CERS3: variants seen among roughly 807,000 people sequenced by gnomAD.
CERS3 encodes LAG1 homolog, ceramide synthase 3.
In CERS3, 33 loss-of-function variants were observed where a neutral mutation model predicts 50.3. The observed-to-expected ratio is 0.66, with a 90% CI of 0.50 to 0.88. The LOEUF (loss-of-function observed/expected upper bound fraction) is 0.88. Among genes scored for constraint, CERS3 ranks in the 40% least tolerant of loss-of-function variants. CERS3 has a pLI of 0.00. For missense variants in CERS3, 470 were observed against 460.3 expected, an observed-to-expected ratio of 1.02 and a Z score of -0.19; for synonymous variants, 176 against 155.2, an observed-to-expected ratio of 1.13 and a Z score of -0.99.
chr15:100,513,543 T>TTC (rs765343580), intron 2 of CERS3, among the ~76,000 whole-genome samples: 4 of 66,868 alleles, frequency 6.0e-5, no homozygotes, highest in East Asian at 9.9e-4. Flanking sequence ...TTCTTTTCTT[T>TTC]TTTTTTTTTT....
intron 11 of CERS3, among the ~76,000 whole-genome samples, chr15:100,446,397 G>A (rs1449983481): frequency 7.1e-6 from 1 of 140,414 alleles, no homozygotes; most frequent in Non-Finnish European, 1.5e-5. Flanking sequence ...GATTAACCGA[G>A]ATGTGGGCTA....
chr15:100,490,640 T>A (rs2035622190), intron 4 of CERS3, 177 bp downstream of exon 4: 3 of 536,154 alleles, frequency 5.6e-6, no homozygotes, highest in Non-Finnish European at 9.9e-6. Flanking sequence ...ATCATATGTA[T>A]CACACTTGGG....
At chr15:100,423,469 C>G (rs1229404039) in intron 11 of CERS3, among the ~76,000 whole-genome samples, 1 of 152,120 alleles carries the variant, frequency 6.6e-6, no homozygotes, top group East Asian at 1.9e-4. Flanking sequence ...TCCTTTGGAA[C>G]AACATGGATG....
intron 11 of CERS3, among the ~76,000 whole-genome samples, chr15:100,451,892 A>G (rs927898768): frequency 2.6e-5 from 4 of 152,130 alleles, no homozygotes; most frequent in African/African-American, 4.8e-5. Context: ...GACAAAAAAG[A>G]CCATTATATA....
intron 11 of CERS3, among the ~76,000 whole-genome samples, chr15:100,450,275 TGGG>T (rs1393689727): frequency 1.3e-5 from 2 of 151,798 alleles, no homozygotes; most frequent in Non-Finnish European, 2.9e-5. Flanking sequence ...AAAAATTAGC[TGGG>T]CATGTGGCAT....
chr15:100,538,440 T>C (rs1411563878), intron 1 of CERS3, among the ~76,000 whole-genome samples: 2 of 152,254 alleles, frequency 1.3e-5, no homozygotes, highest in African/African-American at 4.8e-5. Context: ...GGCATTTCTA[T>C]ACATCCTCTG....
chr15:100,524,753 A>G (rs545244030), intron 1 of CERS3, among the ~76,000 whole-genome samples: 5 of 152,364 alleles, frequency 3.3e-5, no homozygotes, highest in Non-Finnish European at 5.9e-5. Context: ...AATCTTCATT[A>G]TTGAAGAAAA....
chr15:100,411,854 G>A (rs894164536), intron 11 of CERS3, among the ~76,000 whole-genome samples: 1 of 152,094 alleles, frequency 6.6e-6, no homozygotes, highest in Admixed American at 6.5e-5. Context: ...TTTCCCTAAT[G>A]ATTAGTTATG....
chr15:100,467,124 G>A lies in CERS3; in HGVS notation c.845+2254C>T, dbSNP rs181432986. Among the ~76,000 whole-genome samples, 14 of 151,940 alleles carry A rather than the reference G, an allele frequency of 9.2e-5. No individual in the cohort carries two copies. The East Asian group carries it at 2.3e-3, about 25-fold the overall frequency. On this transcript the variant is annotated intron_variant, in intron 10 of 11. Coordinates refer to ENST00000679737, the MANE Select transcript of CERS3 (RefSeq NM_001378789.1). The stretch of plus-strand genomic sequence containing the variant: ...ACCTGCCTCGGCCTCCCAAAGTACC[G>A]GGATATAGGCGTGAGCCACTGCACC...
chr15:100,444,878 G>C (rs1038753632), intron 11 of CERS3, among the ~76,000 whole-genome samples: 5 of 152,122 alleles, frequency 3.3e-5, no homozygotes, highest in African/African-American at 1.2e-4. Context: ...TCCTCGGTTT[G>C]GCCTTCCCAC....
intron 4 of CERS3, 108 bp downstream of exon 4, chr15:100,490,709 T>C: frequency 2.9e-6 from 2 of 694,492 alleles, no homozygotes; most frequent in South Asian, 3.4e-5. Context: ...TCCAGATCAT[T>C]TGCTGGTCAA....
At chr15:100,482,255 G>GA (rs1258670365) in intron 5 of CERS3, among the ~76,000 whole-genome samples, 1 of 152,158 alleles carries the variant, frequency 6.6e-6, no homozygotes, top group Admixed American at 6.5e-5. Flanking sequence ...AACGTGGGGG[G>GA]AGAGAAAACC....
At chr15:100,534,325 C>T (rs1276076988) in intron 1 of CERS3, among the ~76,000 whole-genome samples, 1 of 152,072 alleles carries the variant, frequency 6.6e-6, no homozygotes, top group African/African-American at 2.4e-5. Context: ...TCAGGTTTCT[C>T]AACTGCAAAA....
At chr15:100,455,788 A>G in intron 11 of CERS3, 105 bp downstream of exon 11, 1 of 785,164 alleles carries the variant, frequency 1.3e-6, no homozygotes, top group Non-Finnish European at 1.8e-6. Flanking sequence ...TCAAGAAAAA[A>G]GAATTCTGGT....
chr15:100,468,582 C>T (rs1467185493), intron 10 of CERS3, among the ~76,000 whole-genome samples: 1 of 152,172 alleles, frequency 6.6e-6, no homozygotes, highest in Non-Finnish European at 1.5e-5. Context: ...GGCTCTTCAA[C>T]AGCACTAAGT....
chr15:100,435,246 T>C (rs2033344084), intron 11 of CERS3, among the ~76,000 whole-genome samples: 2 of 152,146 alleles, frequency 1.3e-5, no homozygotes, highest in Non-Finnish European at 1.5e-5. Context: ...CTGGAGCTAA[T>C]ATGCAATAAA....
intron 11 of CERS3, among the ~76,000 whole-genome samples, chr15:100,440,284 C>A (rs2033620597): frequency 3.3e-5 from 5 of 152,188 alleles, no homozygotes; most frequent in Admixed American, 3.3e-4. Flanking sequence ...TAAGCTAAGC[C>A]ATCATATCCC....
chr15:100,479,512 G>A (rs750045796), intron 6 of CERS3, 34 bp from the exon 7 acceptor site: 2 of 1,559,768 alleles, frequency 1.3e-6, no homozygotes, highest in East Asian at 2.2e-5. Flanking sequence ...GCCAACAGAT[G>A]AGAAATAAAT....
chr15:100,417,160 A>C (rs1323803954), intron 11 of CERS3, among the ~76,000 whole-genome samples: 1 of 151,936 alleles, frequency 6.6e-6, no homozygotes, highest in South Asian at 2.1e-4. Flanking sequence ...CTGCATTTCC[A>C]TCTGAGGTAC....
Sources: allele counts gnomAD v4.1 joint callset (sites outside exome capture counted in the v4.1 genomes callset), GRCh38; gene constraint gnomAD v4.1.1; transcripts MANE v1.5; gene names NCBI Gene and HGNC (gene_info 2026-07-23, HGNC 2026-07-21).